RHOJ: variants seen among roughly 807,000 people sequenced by gnomAD.
RHOJ encodes the protein ras homolog family member J.
RHOJ carries 11 observed loss-of-function variants against 23.4 expected under a neutral mutation model. The observed-to-expected ratio is 0.47, with a 90% CI of 0.30 to 0.78. The LOEUF (loss-of-function observed/expected upper bound fraction) is 0.78, where lower values mean the gene tolerates loss of function less well. RHOJ is among the 30% of genes least tolerant of loss of function. The pLI is 0.08. For missense variants in RHOJ, 254 were observed against 273.4 expected, an observed-to-expected ratio of 0.93 and a Z score of 0.50; for synonymous variants, 102 against 102.7, an observed-to-expected ratio of 0.99 and a Z score of 0.04.
At chr14:63,211,854 A>G (rs541035830) in intron 1 of RHOJ, among the ~76,000 whole-genome samples, 34 of 152,282 alleles carry the variant, frequency 2.2e-4, no homozygotes, top group Non-Finnish European at 4.4e-4. Context: ...ACTGCTTGTA[A>G]TGGGGTAAGT....
At chr14:63,229,410 T>C (rs1409587770) in intron 1 of RHOJ, among the ~76,000 whole-genome samples, 1 of 152,158 alleles carries the variant, frequency 6.6e-6, no homozygotes, top group Non-Finnish European at 1.5e-5. Flanking sequence ...CTGCTTAAGG[T>C]ATCATAAGGT....
In RHOJ at chr14:63,288,151, A is replaced by G. The variant is rs563716077; in HGVS notation, c.499-2727A>G. On this transcript the variant is annotated intron_variant, in intron 4 of 4. Transcript: ENST00000316754. Reference sequence around the variant, plus strand: ...CATAATGTCATATTAACTCAGTTACACAATAATGCCTTTATCTGCTATTTC... The same window carrying G: ...CATAATGTCATATTAACTCAGTTACGCAATAATGCCTTTATCTGCTATTTC... 53 of 983,698 alleles carry G rather than the reference A, an allele frequency of 5.4e-5. No individual in the cohort carries two copies. In the African/African-American group the frequency reaches 8.7e-4, roughly 16 times the overall value. The allele number at this position is 983,698 out of a possible 1,614,324, so 60.9% of individuals were successfully genotyped here. A position where few individuals can be genotyped will look rare whatever the true frequency, so the allele number is the denominator to read the frequency against.
chr14:63,252,342 G>A (rs978183152), intron 1 of RHOJ, among the ~76,000 whole-genome samples: 5 of 152,114 alleles, frequency 3.3e-5, no homozygotes, highest in Non-Finnish European at 7.4e-5. Context: ...CAATAGTTAT[G>A]TCAAATAATT....
chr14:63,279,192 C>T (rs1285149409), intron 2 of RHOJ, among the ~76,000 whole-genome samples: 1 of 152,186 alleles, frequency 6.6e-6, no homozygotes, highest in Non-Finnish European at 1.5e-5. Flanking sequence ...GAAGAGTAGT[C>T]ATGCCCCTAA....
chr14:63,216,660 T>C (rs11158479), intron 1 of RHOJ, among the ~76,000 whole-genome samples: 23 of 152,282 alleles, frequency 1.5e-4, no homozygotes, highest in East Asian at 1.3e-3. Context: ...TCAAATGACA[T>C]TTGCAATAAT....
chr14:63,245,017 C>T (rs1329539706), intron 1 of RHOJ, among the ~76,000 whole-genome samples: 1 of 152,184 alleles, frequency 6.6e-6, no homozygotes, highest in Non-Finnish European at 1.5e-5. Context: ...CACACAGTGT[C>T]CAGGGCTTGC....
At position 63,281,017 on chromosome 14, in the gene RHOJ, T is replaced by A; in HGVS notation, c.284T>A (p.Val95Glu). 6 of 1,614,122 alleles carry A rather than the reference T, an allele frequency of 3.7e-6. No homozygotes were observed. Among genetic ancestry groups the A allele is most frequent in the Non-Finnish European group, 5.1e-6 (6 of 1,179,982 alleles). The change falls in exon 3 of 5, where the codon GTG (valine) becomes GAG (glutamate). Residue 95 changes from valine (V) to glutamate (E), a missense_variant. Physicochemically the swap from Val to Glu is moderately radical, Grantham distance 121 (BLOSUM62 -2). Coordinates refer to ENST00000316754, the MANE Select transcript of RHOJ (RefSeq NM_020663.5). ...CCACTCTCCTACCCCAACACGGATG[T>A]GTTTTTGATCTGCTTCTCTGTCGTA... Reference protein sequence around the residue: ...LRPLSYPNTDVFLICFSVVNP... With the variant: ...LRPLSYPNTDEFLICFSVVNP...
chr14:63,217,781 G>A (rs1012814410), intron 1 of RHOJ, among the ~76,000 whole-genome samples: 8 of 152,096 alleles, frequency 5.3e-5, no homozygotes, highest in South Asian at 2.1e-4. Flanking sequence ...AAACTTTCCC[G>A]CTTTTTTAAT....
intron 1 of RHOJ, among the ~76,000 whole-genome samples, chr14:63,268,835 T>A (rs930995679): frequency 6.6e-6 from 1 of 152,288 alleles, no homozygotes; most frequent in East Asian, 1.9e-4. Context: ...CGAATAAGGA[T>A]CAGTGGGTAG....
intron 1 of RHOJ, among the ~76,000 whole-genome samples, chr14:63,240,210 A>G (rs1894859185): frequency 6.6e-6 from 1 of 152,354 alleles, no homozygotes; most frequent in South Asian, 2.1e-4. Flanking sequence ...AGTTTTAATA[A>G]TAAGAGTATG....
intron 1 of RHOJ, among the ~76,000 whole-genome samples, chr14:63,230,420 T>C (rs1894669508): frequency 6.6e-6 from 1 of 152,180 alleles, no homozygotes; most frequent in African/African-American, 2.4e-5. Context: ...ATGGTATTAT[T>C]TGGCGTGTCT....
intron 1 of RHOJ, among the ~76,000 whole-genome samples, chr14:63,238,859 T>C (rs1005093642): frequency 2.0e-5 from 3 of 152,198 alleles, no homozygotes; most frequent in Non-Finnish European, 2.9e-5. Context: ...AAGGTAACTG[T>C]GATTTGCCCA....
chr14:63,222,037 T>C (rs1220267449), intron 1 of RHOJ, among the ~76,000 whole-genome samples: 1 of 139,894 alleles, frequency 7.1e-6, no homozygotes, highest in African/African-American at 2.7e-5. Flanking sequence ...AGCGTTCTCA[T>C]TGTTCAATTC....
chr14:63,236,052 G>A (rs1031646161), intron 1 of RHOJ, among the ~76,000 whole-genome samples: 11 of 152,166 alleles, frequency 7.2e-5, no homozygotes, highest in Non-Finnish European at 1.3e-4. Context: ...CAGCAATCAT[G>A]AACAGGTTTT....
intron 1 of RHOJ, among the ~76,000 whole-genome samples, chr14:63,268,801 A>G (rs1056032112): frequency 1.3e-5 from 2 of 152,226 alleles, no homozygotes; most frequent in Admixed American, 1.3e-4. Context: ...ATTCTTTTTC[A>G]TCAGAAGCTT....
intron 4 of RHOJ, among the ~76,000 whole-genome samples, chr14:63,285,496 T>G (rs1882052056): frequency 6.6e-6 from 1 of 152,232 alleles, no homozygotes; most frequent in Non-Finnish European, 1.5e-5. Flanking sequence ...CAAAGCATTT[T>G]CCACCTAACA....
chr14:63,272,963 C>A (rs1895498867), intron 2 of RHOJ, among the ~76,000 whole-genome samples: 1 of 152,208 alleles, frequency 6.6e-6, no homozygotes, highest in African/African-American at 2.4e-5. Context: ...GCGGAGGTAG[C>A]AGTAAGCTGA....
intron 1 of RHOJ, among the ~76,000 whole-genome samples, chr14:63,246,998 C>G (rs1594763988): frequency 6.6e-6 from 1 of 152,152 alleles, no homozygotes. Context: ...CACATTCTTA[C>G]CCAGCTCCAT....
At chr14:63,285,264 C>T (rs575255146) in intron 4 of RHOJ, among the ~76,000 whole-genome samples, 19 of 152,256 alleles carry the variant, frequency 1.2e-4, no homozygotes, top group Admixed American at 5.9e-4. Context: ...AGGTTAAGAT[C>T]GCCCAGCTAG....
Sources: allele counts gnomAD v4.1 joint callset (sites outside exome capture counted in the v4.1 genomes callset), GRCh38; gene constraint gnomAD v4.1.1; transcripts MANE v1.5; gene names NCBI Gene and HGNC (gene_info 2026-07-23, HGNC 2026-07-21).